Variants in KIAA0825 observed in about 807,000 individuals in gnomAD.
KIAA0825 encodes the protein KIAA0825.
A neutral mutation model predicts 147.6 loss-of-function variants in KIAA0825; 119 were observed. The ratio of observed to expected loss-of-function variants is 0.81; its 90% CI spans 0.69 to 0.94. KIAA0825 has a LOEUF of 0.94. Among genes scored for constraint, KIAA0825 ranks in the 40% least tolerant of loss-of-function variants. The pLI is 0.00. For synonymous variants in KIAA0825, 470 were observed against 518.1 expected (o/e 0.91, Z 1.26); for missense variants, 1,381 against 1,472.7 (o/e 0.94, Z 1.02).
chr5:94,508,288 A>G (rs1766008063), intron 5 of KIAA0825, among the ~76,000 whole-genome samples: 1 of 152,164 alleles, frequency 6.6e-6, no homozygotes, highest in Admixed American at 6.5e-5. Context: ...TGGTGCCAGG[A>G]GTTTTCTATA....
At chr5:94,544,240 C>T (rs1283384576) in intron 2 of KIAA0825, among the ~76,000 whole-genome samples, 1 of 152,212 alleles carries the variant, frequency 6.6e-6, no homozygotes, top group Non-Finnish European at 1.5e-5. Context: ...TGTTCTGCTT[C>T]TCATATTGTG....
At chr5:94,440,985 T>C (rs538827460) in intron 13 of KIAA0825, among the ~76,000 whole-genome samples, 2 of 152,032 alleles carry the variant, frequency 1.3e-5, no homozygotes, top group Admixed American at 6.6e-5. Context: ...GACATAGGAA[T>C]AGGGCGGCAC....
chr5:94,505,928 C>T (rs1765683993), intron 5 of KIAA0825, among the ~76,000 whole-genome samples: 1 of 152,114 alleles, frequency 6.6e-6, no homozygotes, highest in Non-Finnish European at 1.5e-5. Context: ...ACTGAAAGTC[C>T]TGAGTTAATA....
intron 2 of KIAA0825, among the ~76,000 whole-genome samples, chr5:94,541,785 T>C (rs991876715): frequency 6.6e-6 from 1 of 152,252 alleles, no homozygotes; most frequent in African/African-American, 2.4e-5. Context: ...ACACCAATAA[T>C]GCACTAATGC....
At chr5:94,440,263 CT>C in intron 13 of KIAA0825, 142 bp from the exon 14 acceptor site, 3 of 890,356 alleles carry the variant, frequency 3.4e-6, no homozygotes, top group Non-Finnish European at 5.0e-6. Context: ...TGCTTGCTTA[CT>C]TTAGGGTTGC....
intron 20 of KIAA0825, among the ~76,000 whole-genome samples, chr5:94,357,836 T>C (rs964957587): frequency 6.6e-6 from 1 of 151,906 alleles, no homozygotes; most frequent in Non-Finnish European, 1.5e-5. Context: ...TCAAAAAGCA[T>C]GTAAAACTAG....
At chr5:94,523,059 C>G (rs1768532113) in intron 4 of KIAA0825, among the ~76,000 whole-genome samples, 2 of 151,508 alleles carry the variant, frequency 1.3e-5, no homozygotes, top group Admixed American at 6.6e-5. Context: ...CTTTCTCTTC[C>G]TTTTATTACT....
intron 14 of KIAA0825, among the ~76,000 whole-genome samples, chr5:94,435,703 C>T (rs1243382825): frequency 6.6e-6 from 1 of 152,182 alleles, no homozygotes; most frequent in Non-Finnish European, 1.5e-5. Flanking sequence ...TCTGCACTGT[C>T]TTCCACAATG....
chr5:94,166,436 T>G (rs1374951258), intron 20 of KIAA0825, among the ~76,000 whole-genome samples: 1 of 152,044 alleles, frequency 6.6e-6, no homozygotes, highest in Non-Finnish European at 1.5e-5. Flanking sequence ...ATTCAGGTAT[T>G]TCTTCCTTGC....
chr5:94,589,382 G>T (rs889111970), intron 1 of KIAA0825, among the ~76,000 whole-genome samples: 5 of 152,042 alleles, frequency 3.3e-5, no homozygotes, highest in Admixed American at 6.6e-5. Flanking sequence ...GTTATTCTTG[G>T]CTATTGACAT....
intron 20 of KIAA0825, among the ~76,000 whole-genome samples, chr5:94,347,379 A>G (rs1169345792): frequency 6.6e-6 from 1 of 152,326 alleles, no homozygotes; most frequent in East Asian, 1.9e-4. Context: ...CACCAAAGCT[A>G]AAAACCCTCA....
chr5:94,248,759 C>T (rs1474173084), intron 20 of KIAA0825, among the ~76,000 whole-genome samples: 2 of 152,100 alleles, frequency 1.3e-5, no homozygotes, highest in Admixed American at 1.3e-4. Flanking sequence ...CACTGTGGTG[C>T]TCTAATGAAC....
rs1179311015 is a variant in KIAA0825 at position 94,152,821 on chromosome 5, GAAAAAAAAAAAAAAAAAAAAAAAA to G, written c.*1162_*1185del. ...CAGAGCAAGACCCTGTTTCTAAAAT[GAAAAAAAAAAAAAAAAAAAAAAAA>G]AAAAAAAAAATTATATATATATATA... On this transcript the variant is annotated 3_prime_UTR_variant, in exon 21 of 21. Coordinates refer to ENST00000682413, the MANE Select transcript of KIAA0825 (RefSeq NM_001145678.3). The G allele has an allele frequency of 1.0e-3, 2 of 2,000 alleles. No homozygotes were observed. Among genetic ancestry groups the G allele is most frequent in the Non-Finnish European group, 1.7e-3 (2 of 1,190 alleles). 0.1% of individuals were successfully genotyped at this position (2,000 alleles called of 1,614,324 possible). A position where few individuals can be genotyped will look rare whatever the true frequency, so the allele number is the denominator to read the frequency against.
chr5:94,549,311 C>T (rs1028995432), intron 2 of KIAA0825, among the ~76,000 whole-genome samples: 2 of 152,174 alleles, frequency 1.3e-5, no homozygotes, highest in Admixed American at 6.5e-5. Context: ...TGTACACTCA[C>T]ATGGATATTA....
intron 20 of KIAA0825, among the ~76,000 whole-genome samples, chr5:94,340,700 C>T (rs936738297): frequency 6.4e-5 from 9 of 140,916 alleles, no homozygotes; most frequent in African/African-American, 2.2e-4. Context: ...TTACATGATA[C>T]ATATGTTAGC....
At chr5:94,369,013 C>G (rs62364583) in intron 20 of KIAA0825, among the ~76,000 whole-genome samples, 27 of 151,968 alleles carry the variant, frequency 1.8e-4, no homozygotes, top group Non-Finnish European at 3.2e-4. Flanking sequence ...ACTAAAAATA[C>G]AAAAATTAGC....
At chr5:94,288,783 C>T (rs1777762804) in intron 20 of KIAA0825, among the ~76,000 whole-genome samples, 1 of 152,176 alleles carries the variant, frequency 6.6e-6, no homozygotes, top group Admixed American at 6.6e-5. Context: ...TCTGTGAAAG[C>T]TGCTACAGGT....
chr5:94,477,054 C>A (rs1327686676), intron 7 of KIAA0825, 57 bp downstream of exon 7: 4 of 1,169,788 alleles, frequency 3.4e-6, no homozygotes, highest in Non-Finnish European at 4.9e-6. Context: ...AATGGATTCA[C>A]AGGCATATGA....
intron 12 of KIAA0825, among the ~76,000 whole-genome samples, chr5:94,454,437 T>C (rs1758826848): frequency 6.6e-6 from 1 of 152,246 alleles, no homozygotes; most frequent in African/African-American, 2.4e-5. Flanking sequence ...CATCTTCTAA[T>C]TAAATAGACT....
Sources: allele counts gnomAD v4.1 joint callset (sites outside exome capture counted in the v4.1 genomes callset), GRCh38; gene constraint gnomAD v4.1.1; transcripts MANE v1.5; gene names NCBI Gene and HGNC (gene_info 2026-07-23, HGNC 2026-07-21).